Variants in RERE observed in about 807,000 individuals in gnomAD.
RERE encodes arginine-glutamic acid dipeptide repeats protein.
A neutral mutation model predicts 146.1 loss-of-function variants in RERE; 40 were observed. The ratio of observed to expected loss-of-function variants is 0.27; its 90% confidence interval spans 0.21 to 0.36. The LOEUF (loss-of-function observed/expected upper bound fraction) is 0.36. Among genes scored for constraint, RERE ranks in the 10% least tolerant of loss-of-function variants. RERE has a pLI of 1.00. For synonymous variants in RERE, 1,003 were observed against 866.0 expected (o/e 1.16, Z -2.78); for missense variants, 1,933 against 2,138.7 (o/e 0.90, Z 1.90).
At chr1:8,444,698 G>A (rs1644294546) in intron 11 of RERE, among the ~76,000 whole-genome samples, 1 of 152,204 alleles carries the variant, frequency 6.6e-6, no homozygotes, top group Non-Finnish European at 1.5e-5. Flanking sequence ...TCTGGGTGCT[G>A]TGCTTGCAAT....
chr1:8,799,970 C>T (rs557193468), intron 1 of RERE, among the ~76,000 whole-genome samples: 2 of 152,152 alleles, frequency 1.3e-5, no homozygotes, highest in South Asian at 2.1e-4. Flanking sequence ...CCCACCACCA[C>T]GTCCAGCTAA....
intron 4 of RERE, among the ~76,000 whole-genome samples, chr1:8,579,448 T>C (rs1557695480): frequency 6.6e-6 from 1 of 152,198 alleles, no homozygotes; most frequent in African/African-American, 2.4e-5. Flanking sequence ...TTATGTCAGA[T>C]AGGCTAACAA....
chr1:8,419,614 C>G (rs113887182), intron 12 of RERE, among the ~76,000 whole-genome samples: 1 of 152,312 alleles, frequency 6.6e-6, no homozygotes, highest in South Asian at 2.1e-4. Context: ...TTAGCTACCA[C>G]CTTATGTAGT....
At chr1:8,381,970 A>G (rs2124408389) in intron 12 of RERE, among the ~76,000 whole-genome samples, 1 of 152,346 alleles carries the variant, frequency 6.6e-6, no homozygotes, top group African/African-American at 2.4e-5. Context: ...TCTGAGGCTG[A>G]GCGTTTTCTC....
At chr1:8,574,836 C>G (rs923797890) in intron 4 of RERE, among the ~76,000 whole-genome samples, 7 of 152,230 alleles carry the variant, frequency 4.6e-5, no homozygotes, top group African/African-American at 1.7e-4. Flanking sequence ...TTCTTGATAC[C>G]AGAAGTTAGA....
At chr1:8,511,732 G>A (rs1645337690) in intron 7 of RERE, 1 of 151,792 alleles carries the variant, frequency 6.6e-6, no homozygotes. Flanking sequence ...ACTGAACTAA[G>A]TATCCCTCCC....
At chr1:8,421,231 C>G (rs1426626881) in intron 12 of RERE, among the ~76,000 whole-genome samples, 1 of 152,192 alleles carries the variant, frequency 6.6e-6, no homozygotes, top group African/African-American at 2.4e-5. Context: ...GAAATCTACT[C>G]ACTGATCTCT....
intron 1 of RERE, among the ~76,000 whole-genome samples, chr1:8,738,492 C>A (rs1461121307): frequency 6.6e-6 from 1 of 151,724 alleles, no homozygotes; most frequent in East Asian, 1.9e-4. Context: ...AGCCTATTCA[C>A]GCCTTTCTGA....
At position 8,453,185 on chromosome 1, in the gene RERE, A is replaced by C. The variant is rs551928108; in HGVS notation, c.1203+12740T>G. Among the ~76,000 whole-genome samples, 7 of 152,356 alleles carry C rather than the reference A, an allele frequency of 4.6e-5. No homozygotes were observed. In the South Asian group the frequency reaches 1.4e-3, roughly 32 times the overall value. ...TCTGGGGTCATAAACTTGGAAAGTG[A>C]CTATGAAGCTGACAAAGAAGTTGGG... On this transcript the variant is annotated intron_variant, in intron 11 of 22. Transcript: ENST00000400908.
At chr1:8,568,771 T>C (rs1428549693) in intron 4 of RERE, among the ~76,000 whole-genome samples, 1 of 152,180 alleles carries the variant, frequency 6.6e-6, no homozygotes, top group Non-Finnish European at 1.5e-5. Flanking sequence ...ATGGCTATCA[T>C]GGGACTTAGC....
intron 4 of RERE, among the ~76,000 whole-genome samples, chr1:8,611,884 G>C (rs1197502737): frequency 2.0e-5 from 3 of 152,140 alleles, no homozygotes; most frequent in African/African-American, 7.2e-5. Context: ...GGGAGGTTCT[G>C]GGCAATGTTA....
chr1:8,660,467 G>T (rs1211297181), intron 1 of RERE, among the ~76,000 whole-genome samples: 1 of 152,224 alleles, frequency 6.6e-6, no homozygotes, highest in Non-Finnish European at 1.5e-5. Flanking sequence ...AACTCATGAA[G>T]TGAACTGGAC....
intron 1 of RERE, among the ~76,000 whole-genome samples, chr1:8,700,932 C>A (rs1432008957): frequency 6.6e-6 from 1 of 152,122 alleles, no homozygotes; most frequent in African/African-American, 2.4e-5. Flanking sequence ...AAAAATAAAT[C>A]TCTCACAAGT....
intron 6 of RERE, among the ~76,000 whole-genome samples, chr1:8,555,885 T>A (rs1278376927): frequency 1.3e-5 from 2 of 152,072 alleles, no homozygotes; most frequent in African/African-American, 4.8e-5. Context: ...TTTCTACCCA[T>A]CTCCTCCCCC....
At position 8,354,999 on chromosome 1, in the gene RERE, G is replaced by T; in HGVS notation, c.*88C>A. The T allele has an allele frequency of 1.9e-6, 2 of 1,033,144 alleles. No homozygotes were observed. The highest frequency in any genetic ancestry group is 2.2e-5 in the Admixed American group (1 of 46,418). The allele number at this position is 1,033,144 out of a possible 1,614,324, so 64.0% of individuals were successfully genotyped here. ...GAAATCTTTAGAAGATATTCTTTTT[G>T]CTTTTGCAGCTCCTATTTTATGTAA... On this transcript the variant is annotated 3_prime_UTR_variant, in exon 23 of 23. Transcript: ENST00000400908.
At chr1:8,644,442 G>C (rs1401168904) in intron 2 of RERE, among the ~76,000 whole-genome samples, 1 of 152,074 alleles carries the variant, frequency 6.6e-6, no homozygotes, top group Non-Finnish European at 1.5e-5. Flanking sequence ...AACCATTATG[G>C]GGGAAGCCTG....
At chr1:8,558,700 C>T (rs962474086) in intron 4 of RERE, among the ~76,000 whole-genome samples, 4 of 152,014 alleles carry the variant, frequency 2.6e-5, no homozygotes, top group African/African-American at 9.7e-5. Flanking sequence ...TGCTAAAAAA[C>T]ACTTAAAAGC....
intron 1 of RERE, among the ~76,000 whole-genome samples, chr1:8,803,480 T>TA (rs916341027): frequency 1.6e-4 from 24 of 150,104 alleles, no homozygotes; most frequent in African/African-American, 5.6e-4. Flanking sequence ...AAAATAAAAA[T>TA]AAAAAAAAAG....
intron 7 of RERE, among the ~76,000 whole-genome samples, chr1:8,540,492 G>A (rs185096052): frequency 1.3e-5 from 2 of 152,216 alleles, no homozygotes; most frequent in East Asian, 3.9e-4. Flanking sequence ...CTTGATCAGT[G>A]GCTAACATCC....
Sources: allele counts gnomAD v4.1 joint callset (sites outside exome capture counted in the v4.1 genomes callset), GRCh38; gene constraint gnomAD v4.1.1; transcripts MANE v1.5; gene names NCBI Gene and HGNC (gene_info 2026-07-23, HGNC 2026-07-21).